The following DNAH3 variants were observed in gnomAD, a reference collection of about 807,000 sequenced individuals.
DNAH3 encodes the protein dynein axonemal heavy chain 3.
DNAH3 carries 332 observed loss-of-function variants against 432.5 expected under a neutral mutation model. The observed-to-expected ratio is 0.77, with a 90% CI of 0.70 to 0.84. The LOEUF is 0.84. Among genes scored for constraint, DNAH3 ranks in the 40% least tolerant of loss-of-function variants. The probability of loss-of-function intolerance (pLI) is 0.00; values close to 1 mark genes in which losing one functional copy is unlikely to be tolerated. For synonymous variants in DNAH3, 1,956 were observed against 1,900.2 expected, an observed-to-expected ratio of 1.03 and a Z score of -0.76; for missense variants, 4,861 against 5,114.0, an observed-to-expected ratio of 0.95 and a Z score of 1.51.
chr16:21,126,789 G>T (rs2092454284), intron 8 of DNAH3, among the ~76,000 whole-genome samples: 1 of 152,040 alleles, frequency 6.6e-6, no homozygotes, highest in South Asian at 2.1e-4. Context: ...ATCAGCAGCG[G>T]CATTAGATTC....
intron 23 of DNAH3, among the ~76,000 whole-genome samples, 181 bp downstream of exon 23, chr16:21,069,234 C>G (rs1398892404): frequency 6.6e-6 from 1 of 152,136 alleles, no homozygotes; most frequent in Non-Finnish European, 1.5e-5. Flanking sequence ...CATGAGCCAT[C>G]GCACTGGTCA....
chr16:21,006,475 T>A (rs2087307270), intron 41 of DNAH3, among the ~76,000 whole-genome samples: 1 of 152,180 alleles, frequency 6.6e-6, no homozygotes, highest in South Asian at 2.1e-4. Flanking sequence ...GTGAAACCAT[T>A]ACCACAATCA....
chr16:21,004,370 CTTTTTT>C (rs2087173186), intron 41 of DNAH3, among the ~76,000 whole-genome samples: 1 of 151,656 alleles, frequency 6.6e-6, no homozygotes, highest in South Asian at 2.1e-4. Context: ...CTTTCTTTTT[CTTTTTT>C]CTTTTTTTTA....
chr16:20,998,217 G>C (rs1052024030), intron 43 of DNAH3, among the ~76,000 whole-genome samples: 1 of 152,150 alleles, frequency 6.6e-6, no homozygotes. Context: ...AGCAACAGAT[G>C]ATGAGACCCT....
intron 51 of DNAH3, among the ~76,000 whole-genome samples, chr16:20,970,987 G>C (rs921111492): frequency 6.6e-6 from 1 of 150,934 alleles, no homozygotes; most frequent in Non-Finnish European, 1.5e-5. Flanking sequence ...CGCACTTCAG[G>C]CTCCCGAGTA....
At chr16:21,031,435 T>A (rs942360397) in intron 36 of DNAH3, 149 bp from the exon 37 acceptor site, 12 of 1,041,356 alleles carry the variant, frequency 1.2e-5, no homozygotes, top group Non-Finnish European at 5.4e-6. Flanking sequence ...TCAGTTTTTA[T>A]AGAGATTGGG....
chr16:21,156,392 C>T (rs530204014), intron 1 of DNAH3, among the ~76,000 whole-genome samples: 5 of 151,936 alleles, frequency 3.3e-5, no homozygotes, highest in Admixed American at 2.0e-4. Context: ...CCACTATGCC[C>T]GGCTAACTTT....
At chr16:20,976,010 G>T (rs1248287463) in intron 50 of DNAH3, among the ~76,000 whole-genome samples, 2 of 151,792 alleles carry the variant, frequency 1.3e-5, no homozygotes, top group Admixed American at 1.3e-4. Flanking sequence ...CTCCCGAAGT[G>T]CTGGGATTAC....
At chr16:21,154,216 C>G (rs957956702) in intron 1 of DNAH3, among the ~76,000 whole-genome samples, 1 of 152,170 alleles carries the variant, frequency 6.6e-6, no homozygotes, top group African/African-American at 2.4e-5. Context: ...CCAACCTGGC[C>G]AACATGGTGA....
At position 21,032,252 on chromosome 16, in the gene DNAH3, A is replaced by G. The variant is rs372814855; in HGVS notation, c.5198-966T>C. ...TTGATTTGAAATGAGGAAACGGGAA[A>G]CAGCTGACAGGTAAAAAGGTTCTGA... On this transcript the variant is annotated intron_variant, in intron 36 of 61. Transcript: ENST00000261383. Among the ~76,000 whole-genome samples, 15 of 152,302 alleles carry G rather than the reference A, an allele frequency of 9.8e-5. No individual in the cohort carries two copies. The South Asian group carries it at 2.5e-3, about 25-fold the overall frequency.
At chr16:21,098,842 C>A in intron 16 of DNAH3, 73 bp from the exon 17 acceptor site, 2 of 1,489,124 alleles carry the variant, frequency 1.3e-6, no homozygotes, top group Non-Finnish European at 1.8e-6. Flanking sequence ...GCACTGCTTG[C>A]CCATATTTAA....
At position 21,027,898 on chromosome 16, in the gene DNAH3, A is replaced by G. The variant is rs539991728; in HGVS notation, c.5440-771T>C. 7.9e-5 allele frequency among the ~76,000 whole-genome samples: 12 copies of G among 152,346 alleles called. No individual in the cohort carries two copies. In the East Asian group the frequency reaches 1.7e-3, roughly 22 times the overall value. ...GCCACATCCTATTTTTATTTGCTCA[A>G]TTCTTTCACAAAAGACCCATATTTG... On this transcript the variant is annotated intron_variant, in intron 37 of 61. Coordinates refer to ENST00000261383, the Ensembl canonical transcript of DNAH3.
chr16:20,935,341 C>G lies in DNAH3; in HGVS notation c.11997+7G>C. Reference sequence around the variant, plus strand: ...CCTTGAGTGAGCCTAACCCAAAGCACCCCTACCTCAAACTCAAATCCAATG... The same window carrying G: ...CCTTGAGTGAGCCTAACCCAAAGCAGCCCTACCTCAAACTCAAATCCAATG... On this transcript the variant is annotated splice_region_variant and intron_variant, in intron 61 of 61. Coordinates refer to ENST00000261383, the Ensembl canonical transcript of DNAH3. 6.2e-7 allele frequency: 1 copy of G among 1,613,982 alleles called. No homozygotes were observed. Among genetic ancestry groups the G allele is most frequent in the Non-Finnish European group, 8.5e-7 (1 of 1,179,988 alleles).
chr16:21,027,258 A>C (rs965801496), intron 37 of DNAH3, 131 bp from the exon 38 acceptor site: 1 of 678,286 alleles, frequency 1.5e-6, no homozygotes, highest in Non-Finnish European at 2.6e-6. Context: ...ATGATGTCCC[A>C]GGCACTGTTA....
intron 6 of DNAH3, among the ~76,000 whole-genome samples, chr16:21,135,138 G>A (rs938153595): frequency 7.9e-5 from 12 of 152,044 alleles, no homozygotes; most frequent in East Asian, 7.7e-4. Flanking sequence ...GTGACTTCAC[G>A]GTGTGGAGCA....
chr16:21,082,688 G>T (rs1041231428), intron 19 of DNAH3, among the ~76,000 whole-genome samples: 1 of 151,982 alleles, frequency 6.6e-6, no homozygotes, highest in Non-Finnish European at 1.5e-5. Flanking sequence ...AATTAGCTGG[G>T]CACGGTGGCA....
At chr16:21,141,539 G>T (rs2152829379) in intron 3 of DNAH3, among the ~76,000 whole-genome samples, 167 bp from the exon 5 acceptor site, 2 of 152,276 alleles carry the variant, frequency 1.3e-5, no homozygotes, top group South Asian at 4.1e-4. Flanking sequence ...GTGCATCACT[G>T]ATTACCTGTG....
At chr16:21,128,675 C>A (rs2092491138) in intron 7 of DNAH3, among the ~76,000 whole-genome samples, 1 of 138,902 alleles carries the variant, frequency 7.2e-6, no homozygotes. Flanking sequence ...GCCTGGGGGA[C>A]AGAGCGAGAC....
chr16:21,062,690 C>CA lies in DNAH3; in HGVS notation c.3519-8dup, dbSNP rs1567723604. ...GTTTGATAGGAAGAAGAATCTATTT[C>CA]AAAGCAAAGAAAGATGGTAACTGGA... is the stretch of plus-strand genomic sequence containing the variant. On this transcript the variant is annotated splice_polypyrimidine_tract_variant and splice_region_variant and intron_variant, in intron 24 of 61. Coordinates refer to ENST00000261383, the Ensembl canonical transcript of DNAH3. 6.2e-7 allele frequency: 1 copy of CA among 1,606,828 alleles called. No individual in the cohort carries two copies. The highest frequency in any genetic ancestry group is 2.2e-5 in the East Asian group (1 of 44,736).
Sources: gnomAD v4.1 joint callset for allele counts (sites outside exome capture counted in the v4.1 genomes callset) on GRCh38, gnomAD v4.1.1 for gene constraint, MANE v1.5 for transcripts, NCBI Gene and HGNC (gene_info 2026-07-23, HGNC 2026-07-21) for gene names.